Variants in TENM1 observed in about 807,000 individuals in gnomAD.
TENM1 encodes the protein teneurin transmembrane protein 1, also known as teneurin-1.
TENM1 carries 35 observed loss-of-function variants against 174.8 expected under a neutral mutation model. The ratio of observed to expected loss-of-function variants is 0.20; its 90% CI spans 0.15 to 0.27. TENM1 has a LOEUF of 0.27. Among genes scored for constraint, TENM1 ranks in the 10% least tolerant of loss-of-function variants. The pLI, the probability that TENM1 is intolerant of heterozygous loss-of-function variation, is 1.00. For missense variants in TENM1, 1,633 were observed against 2,130.1 expected (o/e 0.77, Z 4.59); for synonymous variants, 781 against 798.7 (o/e 0.98, Z 0.37).
At chrX:124,624,076 T>C (rs2050582894) in intron 11 of TENM1, among the ~76,000 whole-genome samples, 1 of 112,090 alleles carries the variant, frequency 8.9e-6, no homozygotes, top group African/African-American at 3.2e-5. Flanking sequence ...CATTTAATCT[T>C]CACTACAACC....
intron 23 of TENM1, among the ~76,000 whole-genome samples, chrX:124,449,131 C>A (rs1272271680): frequency 8.9e-6 from 1 of 111,741 alleles, no homozygotes; most frequent in Non-Finnish European, 1.9e-5. Flanking sequence ...GCTTTCTTTC[C>A]TGGTAAATCC....
chrX:125,096,349 A>G, the TENM1 span, among the ~76,000 whole-genome samples: 4 of 111,688 alleles, frequency 3.6e-5, no homozygotes, highest in Non-Finnish European at 7.5e-5. Context: ...TATGAATCCA[A>G]AAAGCCAATG....
the TENM1 span, among the ~76,000 whole-genome samples, chrX:125,110,725 C>T: frequency 9.0e-6 from 1 of 111,578 alleles, no homozygotes; most frequent in South Asian, 3.7e-4. Context: ...GCCAAAGATC[C>T]AGTGCTAATT....
At chrX:125,145,043 C>T in the TENM1 span, among the ~76,000 whole-genome samples, 3 of 111,463 alleles carry the variant, frequency 2.7e-5, no homozygotes, top group African/African-American at 6.5e-5. Flanking sequence ...CCACCTTGTC[C>T]GGCTGCTCAT....
chrX:124,423,441 C>A (rs780641309), intron 23 of TENM1, among the ~76,000 whole-genome samples: 1 of 111,584 alleles, frequency 9.0e-6, no homozygotes, highest in South Asian at 3.8e-4. Flanking sequence ...GACTACGACA[C>A]GGCCTCTGTC....
chrX:125,042,302 T>G, the TENM1 span, among the ~76,000 whole-genome samples: 2 of 111,745 alleles, frequency 1.8e-5, no homozygotes, highest in Non-Finnish European at 3.8e-5. Flanking sequence ...AACAGTAAAG[T>G]AGGTAACTTT....
chrX:125,025,515 G>A, the TENM1 span, among the ~76,000 whole-genome samples: 3,097 of 111,616 alleles, frequency 0.028, 108 homozygotes, highest in African/African-American at 0.095. Context: ...CTGAAGCAGT[G>A]AAGCAAATGG....
chrX:124,471,345 TATATATTATA>T (rs2061316357), intron 22 of TENM1, among the ~76,000 whole-genome samples: 1 of 9,522 alleles, frequency 1.1e-4, no homozygotes. Flanking sequence ...CTATATATAA[TATATATTATA>T]ATATATAGTA....
chrX:124,598,765 A>G (rs1040970598), intron 11 of TENM1, among the ~76,000 whole-genome samples: 3 of 111,242 alleles, frequency 2.7e-5, no homozygotes, highest in African/African-American at 9.8e-5. Context: ...GTTTGGCTGA[A>G]TGGTGTGGGA....
chrX:125,020,847 C>T, the TENM1 span, among the ~76,000 whole-genome samples: 2,263 of 111,499 alleles, frequency 0.02, 71 homozygotes, highest in African/African-American at 0.07. Flanking sequence ...GCTGTTTCAA[C>T]ACAGCCTATG....
At chrX:125,036,444 A>C in the TENM1 span, among the ~76,000 whole-genome samples, 4 of 111,854 alleles carry the variant, frequency 3.6e-5, no homozygotes, top group Non-Finnish European at 7.5e-5. Flanking sequence ...AGAATTGTAA[A>C]GGGGAGACAT....
intron 1 of TENM1, among the ~76,000 whole-genome samples, chrX:124,928,273 G>A (rs928417934): frequency 1.8e-5 from 2 of 111,751 alleles, no homozygotes; most frequent in African/African-American, 6.5e-5. Flanking sequence ...ATTTTGGTTT[G>A]CTTATTTTTA....
chrX:124,939,542 C>T (rs2147746069), intron 1 of TENM1, among the ~76,000 whole-genome samples: 1 of 111,737 alleles, frequency 8.9e-6, no homozygotes, highest in Admixed American at 9.5e-5. Context: ...CGAATGATTA[C>T]TATAAGAAAA....
chrX:124,719,602 CT>C (rs2148518253), intron 4 of TENM1, among the ~76,000 whole-genome samples: 1 of 111,119 alleles, frequency 9.0e-6, no homozygotes, highest in African/African-American at 3.3e-5. Context: ...GAAAGCAGGC[CT>C]GCCTTCCACT....
At chrX:124,967,741 C>G (rs956541111), upstream of TENM1, among the ~76,000 whole-genome samples, 3 of 111,745 alleles carry the variant, frequency 2.7e-5, no homozygotes, top group Non-Finnish European at 5.6e-5. Context: ...AATCTCCAGT[C>G]TCTCTCTTCC....
chrX:124,779,050 G>A (rs1433181942), intron 3 of TENM1, among the ~76,000 whole-genome samples: 2 of 111,593 alleles, frequency 1.8e-5, no homozygotes, highest in Admixed American at 9.5e-5. Flanking sequence ...ACTAGGGATC[G>A]TAGAGGATAA....
At chrX:125,031,706 C>G in the TENM1 span, among the ~76,000 whole-genome samples, 1 of 111,756 alleles carries the variant, frequency 8.9e-6, no homozygotes, top group African/African-American at 3.2e-5. Context: ...GGCATTGCTC[C>G]TCTGTGAACT....
chrX:124,524,156 G>A (rs1243729470), intron 16 of TENM1, among the ~76,000 whole-genome samples: 2 of 111,116 alleles, frequency 1.8e-5, no homozygotes, highest in African/African-American at 6.6e-5. Context: ...GATTACAGGT[G>A]TGAGCCACTG....
chrX:124,413,366 G>A (rs1569530005), intron 25 of TENM1, among the ~76,000 whole-genome samples: 1 of 111,594 alleles, frequency 9.0e-6, no homozygotes, highest in Non-Finnish European at 1.9e-5. Context: ...TATATTCTCC[G>A]TGTCTGGAAC....
Sources: allele counts gnomAD v4.1 joint callset (sites outside exome capture counted in the v4.1 genomes callset), GRCh38; gene constraint gnomAD v4.1.1; transcripts MANE v1.5; gene names NCBI Gene and HGNC (gene_info 2026-07-23, HGNC 2026-07-21).